THSD4: variants seen among roughly 807,000 people sequenced by gnomAD.
THSD4 encodes the protein thrombospondin type-1 domain-containing protein 4.
THSD4 carries 69 observed loss-of-function variants against 119.0 expected under a neutral mutation model. That is an observed-to-expected ratio of 0.58 (90% CI 0.48 to 0.71). The LOEUF is 0.71. Among genes scored for constraint, THSD4 ranks in the 30% least tolerant of loss-of-function variants. The pLI is 0.00. For missense variants in THSD4, 1,393 were observed against 1,391.1 expected (o/e 1.00, Z -0.02); for synonymous variants, 524 against 540.4 (o/e 0.97, Z 0.42).
chr15:71,109,003 C>A (rs1222306044), intron 1 of THSD4, among the ~76,000 whole-genome samples: 1 of 151,876 alleles, frequency 6.6e-6, no homozygotes, highest in Non-Finnish European at 1.5e-5. Context: ...AACAAACAAA[C>A]AAACAAACAA....
intron 3 of THSD4, among the ~76,000 whole-genome samples, chr15:71,192,876 T>A (rs1277785750): frequency 2.0e-5 from 3 of 152,198 alleles, no homozygotes; most frequent in Non-Finnish European, 4.4e-5. Flanking sequence ...CTAACAGCCC[T>A]CTGCACAGCT....
intron 6 of THSD4, among the ~76,000 whole-genome samples, chr15:71,351,787 G>T (rs1437187970): frequency 3.3e-5 from 5 of 152,178 alleles, no homozygotes; most frequent in African/African-American, 1.2e-4. Context: ...TTTCCTTTCT[G>T]CAACACTTCT....
At chr15:71,678,176 CAA>C (rs1164198422) in intron 8 of THSD4, among the ~76,000 whole-genome samples, 1 of 152,210 alleles carries the variant, frequency 6.6e-6, no homozygotes, top group African/African-American at 2.4e-5. Flanking sequence ...CTGTTTGAAT[CAA>C]AGTCTTGCTT....
chr15:71,442,660 G>GTGTGTATGTATGTATATATATATATATA, intron 7 of THSD4, among the ~76,000 whole-genome samples: 1 of 25,818 alleles, frequency 3.9e-5, no homozygotes, highest in African/African-American at 1.1e-4. Context: ...GTGTGTGTGT[G>GTGTGTATGTATGTATATATATATATATA]TATATATATA....
chr15:71,248,972 A>T (rs906413744), intron 5 of THSD4, among the ~76,000 whole-genome samples: 3 of 152,200 alleles, frequency 2.0e-5, no homozygotes, highest in Non-Finnish European at 4.4e-5. Flanking sequence ...AGTTTCTCTT[A>T]TCATGAGCTT....
At chr15:71,569,154 C>A (rs375942966) in intron 7 of THSD4, among the ~76,000 whole-genome samples, 10 of 152,204 alleles carry the variant, frequency 6.6e-5, no homozygotes, top group African/African-American at 2.2e-4. Flanking sequence ...TAGTTGTTTT[C>A]TTTGCTGGTC....
chr15:71,420,898 G>C lies in THSD4; in HGVS notation c.1152+9075G>C, dbSNP rs1283580883. Among the ~76,000 whole-genome samples the C allele has an allele frequency of 2.9e-5, 3 of 104,864 alleles. 1 individual carries two copies. Among genetic ancestry groups the C allele is most frequent in the African/African-American group, 9.8e-5 (3 of 30,758 alleles). The allele number at this position is 104,864 out of a possible 152,430, so 68.8% of individuals were successfully genotyped here. A position where few individuals can be genotyped will look rare whatever the true frequency, so the allele number is the denominator to read the frequency against. ...CTTTTAGTCTTTCTACTTAAGGTAA[G>C]AGTGGTGGCCAGGTGCAGTGGCTCA... On this transcript the variant is annotated intron_variant, in intron 7 of 17. Coordinates refer to ENST00000261862, the MANE Select transcript of THSD4 (RefSeq NM_024817.3).
intron 10 of THSD4, among the ~76,000 whole-genome samples, chr15:71,735,766 CTTCTT>C (rs1249082898): frequency 1.5e-4 from 22 of 150,150 alleles, no homozygotes; most frequent in Non-Finnish European, 5.9e-5. Context: ...CTCTGTCTGT[CTTCTT>C]CTCTGTCTCT....
chr15:71,290,425 AT>A (rs5813625), intron 6 of THSD4, among the ~76,000 whole-genome samples: 52,822 of 151,116 alleles, frequency 0.35, 9,328 homozygotes, highest in Admixed American at 0.46. Flanking sequence ...TGTCATTTAG[AT>A]TTTTTTTTTC....
At chr15:71,694,053 T>C (rs1410341661) in intron 8 of THSD4, among the ~76,000 whole-genome samples, 1 of 150,504 alleles carries the variant, frequency 6.6e-6, no homozygotes, top group Non-Finnish European at 1.5e-5. Flanking sequence ...GAAAAGCCAG[T>C]GTCAAGGTTG....
intron 6 of THSD4, among the ~76,000 whole-genome samples, chr15:71,267,676 TAG>T (rs779831942): frequency 8.8e-4 from 134 of 152,096 alleles, no homozygotes; most frequent in Admixed American, 3.1e-3. Flanking sequence ...GCAAATTGGA[TAG>T]AGACAAGACC....
intron 7 of THSD4, among the ~76,000 whole-genome samples, chr15:71,413,988 T>C (rs2046724185): frequency 6.6e-6 from 1 of 152,264 alleles, no homozygotes; most frequent in South Asian, 2.1e-4. Flanking sequence ...AACTGTTTCA[T>C]TTCCTGAATA....
chr15:71,233,536 CTG>C (rs1359333936), intron 4 of THSD4, among the ~76,000 whole-genome samples: 16 of 152,276 alleles, frequency 1.1e-4, no homozygotes, highest in African/African-American at 3.9e-4. Flanking sequence ...AGTATCTTTA[CTG>C]TTTTATTCTT....
intron 6 of THSD4, among the ~76,000 whole-genome samples, chr15:71,334,890 A>G (rs1359104931): frequency 6.6e-6 from 1 of 152,214 alleles, no homozygotes; most frequent in African/African-American, 2.4e-5. Flanking sequence ...GGAATCCGTT[A>G]CAAAATCTGC....
At chr15:71,440,745 T>C (rs1468731749) in intron 7 of THSD4, among the ~76,000 whole-genome samples, 1 of 152,170 alleles carries the variant, frequency 6.6e-6, no homozygotes, top group African/African-American at 2.4e-5. Context: ...AAATTACTGT[T>C]TAATTCAGGG....
chr15:71,441,582 A>G (rs1438754684), intron 7 of THSD4, among the ~76,000 whole-genome samples: 1 of 150,532 alleles, frequency 6.6e-6, no homozygotes, highest in African/African-American at 2.4e-5. Context: ...TTTAGTAGAG[A>G]CGGGGTTTCA....
At chr15:71,597,282 A>G (rs982642810) in intron 7 of THSD4, among the ~76,000 whole-genome samples, 3 of 152,146 alleles carry the variant, frequency 2.0e-5, no homozygotes, top group African/African-American at 7.2e-5. Context: ...GCCTGGCTGA[A>G]ACTGACAATT....
intron 6 of THSD4, among the ~76,000 whole-genome samples, chr15:71,271,143 G>A (rs530609557): frequency 1.4e-3 from 190 of 131,806 alleles, no homozygotes; most frequent in African/African-American, 4.6e-3. Context: ...GAAAGTAATC[G>A]TTTTGCCATA....
intron 3 of THSD4, among the ~76,000 whole-genome samples, chr15:71,163,171 T>C (rs536950871): frequency 4.6e-5 from 7 of 151,944 alleles, no homozygotes; most frequent in Non-Finnish European, 8.8e-5. Context: ...CTTATTATGC[T>C]CCTTTAGGGG....
Sources: allele counts gnomAD v4.1 joint callset (sites outside exome capture counted in the v4.1 genomes callset), GRCh38; gene constraint gnomAD v4.1.1; transcripts MANE v1.5; gene names NCBI Gene and HGNC (gene_info 2026-07-23, HGNC 2026-07-21).